The following ARHGAP24 variants were observed in gnomAD, a reference collection of about 807,000 sequenced individuals.
The protein encoded by ARHGAP24 is Rho GTPase activating protein 24.
A neutral mutation model predicts 76.4 loss-of-function variants in ARHGAP24; 50 were observed. That is an observed-to-expected ratio of 0.65 (90% CI 0.52 to 0.83). ARHGAP24 has a LOEUF of 0.83. Among genes scored for constraint, ARHGAP24 ranks in the 40% least tolerant of loss-of-function variants. The pLI is 0.00. For missense variants in ARHGAP24, 930 were observed against 914.2 expected (o/e 1.02, Z -0.22); for synonymous variants, 345 against 323.3 (o/e 1.07, Z -0.72).
chr4:85,678,659 T>C (rs1263754753), intron 2 of ARHGAP24, among the ~76,000 whole-genome samples: 1 of 152,192 alleles, frequency 6.6e-6, no homozygotes, highest in Non-Finnish European at 1.5e-5. Flanking sequence ...CATCAATGTA[T>C]CAGACTACAA....
chr4:85,832,012 G>A (rs1284556054), intron 3 of ARHGAP24, among the ~76,000 whole-genome samples: 1 of 152,122 alleles, frequency 6.6e-6, no homozygotes, highest in Non-Finnish European at 1.5e-5. Flanking sequence ...CAATAGATTA[G>A]GAGGTGATTG....
intron 3 of ARHGAP24, among the ~76,000 whole-genome samples, chr4:85,848,634 G>A (rs1731029603): frequency 1.3e-5 from 2 of 152,188 alleles, no homozygotes; most frequent in Admixed American, 6.5e-5. Context: ...AAGGTGCAAG[G>A]AAGAGATCCG....
At chr4:85,977,743 T>G in intron 8 of ARHGAP24, 52 bp downstream of exon 8, 11 of 1,597,778 alleles carry the variant, frequency 6.9e-6, no homozygotes, top group South Asian at 1.1e-5. Context: ...TAATTATCTC[T>G]TGACTGGCCA....
At chr4:86,000,442 C>CGGGG in intron 9 of ARHGAP24, 37 bp from the exon 10 acceptor site, 2 of 807,894 alleles carry the variant, frequency 2.5e-6, no homozygotes, top group Non-Finnish European at 3.9e-6. Flanking sequence ...CTTACTCTTG[C>CGGGG]GTCCCCACCC....
chr4:85,873,102 A>G (rs1732635897), intron 3 of ARHGAP24, among the ~76,000 whole-genome samples: 2 of 152,160 alleles, frequency 1.3e-5, no homozygotes, highest in Non-Finnish European at 2.9e-5. Context: ...CTCAACAGAA[A>G]GCCTACTCCT....
intron 3 of ARHGAP24, among the ~76,000 whole-genome samples, chr4:85,776,684 G>T (rs541207561): frequency 1.3e-5 from 2 of 152,036 alleles, no homozygotes; most frequent in African/African-American, 2.4e-5. Context: ...ATAATCTATT[G>T]TCTATGGCTC....
At chr4:85,720,386 T>C (rs1724886079) in intron 2 of ARHGAP24, among the ~76,000 whole-genome samples, 1 of 152,180 alleles carries the variant, frequency 6.6e-6, no homozygotes, top group African/African-American at 2.4e-5. Flanking sequence ...GTAGTAGAGA[T>C]ACATAGTAGA....
chr4:85,594,235 G>A (rs888555258), intron 2 of ARHGAP24, among the ~76,000 whole-genome samples: 2 of 151,558 alleles, frequency 1.3e-5, no homozygotes, highest in African/African-American at 4.8e-5. Context: ...TTAATTTCTT[G>A]ATTTCTTTTT....
chr4:85,920,296 CT>C (rs1167942944), intron 3 of ARHGAP24, among the ~76,000 whole-genome samples: 2 of 152,046 alleles, frequency 1.3e-5, no homozygotes, highest in Non-Finnish European at 2.9e-5. Flanking sequence ...CAAAAATTGA[CT>C]AAGTATATAT....
chr4:85,994,532 A>G, intron 8 of ARHGAP24, 51 bp from the exon 9 acceptor site: 4 of 1,544,070 alleles, frequency 2.6e-6, no homozygotes, highest in South Asian at 1.1e-5. Context: ...TGAAATAGAA[A>G]TAAATAAAAA....
intron 3 of ARHGAP24, among the ~76,000 whole-genome samples, chr4:85,895,015 A>G (rs534777481): frequency 2.9e-5 from 3 of 102,244 alleles, no homozygotes; most frequent in African/African-American, 1.1e-4. Context: ...AAAAAAAAAA[A>G]AAAAAAGAAA....
chr4:85,889,179 T>C (rs1055103558), intron 3 of ARHGAP24, among the ~76,000 whole-genome samples: 1 of 152,192 alleles, frequency 6.6e-6, no homozygotes, highest in Non-Finnish European at 1.5e-5. Flanking sequence ...CCTAAGAAAA[T>C]GCCAGATTTT....
At chr4:85,681,670 A>G (rs1486125572) in intron 2 of ARHGAP24, among the ~76,000 whole-genome samples, 5 of 152,242 alleles carry the variant, frequency 3.3e-5, no homozygotes, top group South Asian at 4.1e-4. Flanking sequence ...AGAAAAATCT[A>G]TGTATTCAGA....
chr4:85,642,742 A>G (rs1202539947), intron 2 of ARHGAP24, among the ~76,000 whole-genome samples: 10 of 152,146 alleles, frequency 6.6e-5, no homozygotes, highest in Non-Finnish European at 1.3e-4. Flanking sequence ...TCCTTTGCTT[A>G]TTTCCCTGCT....
intron 5 of ARHGAP24, among the ~76,000 whole-genome samples, chr4:85,947,041 G>A (rs1286901905): frequency 6.6e-6 from 1 of 152,086 alleles, no homozygotes; most frequent in Admixed American, 6.6e-5. Context: ...GTGTGAGATG[G>A]TATTTCACTG....
At chr4:85,999,661 C>G (rs1444164229) in intron 9 of ARHGAP24, among the ~76,000 whole-genome samples, 3 of 152,044 alleles carry the variant, frequency 2.0e-5, no homozygotes, top group Non-Finnish European at 4.4e-5. Context: ...ACTTTAATAC[C>G]CCTCTTTTGA....
chr4:85,679,725 T>C (rs1469853827), intron 2 of ARHGAP24, among the ~76,000 whole-genome samples: 1 of 152,138 alleles, frequency 6.6e-6, no homozygotes, highest in Non-Finnish European at 1.5e-5. Context: ...TGGGAAATGC[T>C]GCCACTCGCC....
intron 5 of ARHGAP24, among the ~76,000 whole-genome samples, chr4:85,967,791 T>G (rs1483372136): frequency 6.6e-6 from 1 of 152,172 alleles, no homozygotes; most frequent in Non-Finnish European, 1.5e-5. Context: ...TTCTACCTGT[T>G]AAAAGACAGA....
chr4:85,808,510 G>T (rs972366782), intron 3 of ARHGAP24, among the ~76,000 whole-genome samples: 1 of 152,122 alleles, frequency 6.6e-6, no homozygotes, highest in Non-Finnish European at 1.5e-5. Context: ...ATCAGTTGCC[G>T]GTGTTCCTTA....
Sources: allele counts gnomAD v4.1 joint callset (sites outside exome capture counted in the v4.1 genomes callset), GRCh38; gene constraint gnomAD v4.1.1; transcripts MANE v1.5; gene names NCBI Gene and HGNC (gene_info 2026-07-23, HGNC 2026-07-21).